Variants in BMP2K observed in about 807,000 individuals in gnomAD.
BMP2K encodes BMP2 inducible kinase.
BMP2K carries 74 observed loss-of-function variants against 116.0 expected under a neutral mutation model. The ratio of observed to expected loss-of-function variants is 0.64; its 90% CI spans 0.53 to 0.77. BMP2K has a LOEUF of 0.77. BMP2K is among the 30% of genes least tolerant of loss of function. The pLI is 0.00. For synonymous variants in BMP2K, 486 were observed against 502.5 expected (o/e 0.97, Z 0.44); for missense variants, 1,365 against 1,403.6 (o/e 0.97, Z 0.44).
rs1257190573 is a variant in BMP2K, at chr4:78,878,740, T to G, written c.1800T>G (p.Val600=). Residue 600 remains valine (V), a synonymous_variant, in exon 14 of 16, where the codon GTT becomes GTG. Coordinates refer to ENST00000502613, the MANE Select transcript of BMP2K (RefSeq NM_198892.2). ...TACTCAATTATTACTATAGGTCAGT[T>G]GCTGATAAAGAGGCCATTGCAAATT... ...MDSSYSANRS[V]ADKEAIANFT... 1 of 1,607,190 alleles carries G rather than the reference T, an allele frequency of 6.2e-7. No homozygotes were observed. Among genetic ancestry groups the G allele is most frequent in the African/African-American group, 1.3e-5 (1 of 74,576 alleles).
At chr4:78,886,960 C>T (rs974022621) in intron 14 of BMP2K, among the ~76,000 whole-genome samples, 8 of 152,072 alleles carry the variant, frequency 5.3e-5, no homozygotes, top group Admixed American at 1.3e-4. Context: ...AAACCTATCA[C>T]GGATTATATT....
chr4:78,909,228 G>A (rs1362884418), intron 15 of BMP2K, among the ~76,000 whole-genome samples: 2 of 151,776 alleles, frequency 1.3e-5, no homozygotes, highest in East Asian at 3.9e-4. Flanking sequence ...AGTAGAGATG[G>A]GGTTTCACCA....
chr4:78,888,596 A>G (rs1281388014), intron 15 of BMP2K, among the ~76,000 whole-genome samples: 2 of 152,318 alleles, frequency 1.3e-5, no homozygotes, highest in South Asian at 2.1e-4. Flanking sequence ...GGGGAAATGA[A>G]TAGTAGAGTT....
At chr4:78,798,265 T>G (rs1255554903) in intron 1 of BMP2K, among the ~76,000 whole-genome samples, 1 of 152,120 alleles carries the variant, frequency 6.6e-6, no homozygotes, top group Non-Finnish European at 1.5e-5. Context: ...CATACTCAAG[T>G]CATAAAGGTG....
At position 78,787,013 on chromosome 4, in the gene BMP2K, C is replaced by G. The variant is rs554618642; in HGVS notation, c.178+10292C>G. The stretch of plus-strand genomic sequence containing the variant: ...AAGTGGTCCTCCTGCTTTGGCCTCC[C>G]AAAGTGCTGGGATTACAGGTGTGAG... On this transcript the variant is annotated intron_variant, in intron 1 of 15. Coordinates refer to ENST00000502613, the MANE Select transcript of BMP2K (RefSeq NM_198892.2). 1.5e-4 allele frequency among the ~76,000 whole-genome samples: 23 copies of G among 152,250 alleles called. No homozygotes were observed. In the South Asian group the frequency reaches 4.4e-3, roughly 29 times the overall value.
intron 1 of BMP2K, among the ~76,000 whole-genome samples, chr4:78,815,907 A>T (rs774645955): frequency 3.9e-5 from 6 of 152,156 alleles, no homozygotes; most frequent in Admixed American, 3.9e-4. Flanking sequence ...AAAAATATTG[A>T]TGAGTAAAGT....
intron 1 of BMP2K, among the ~76,000 whole-genome samples, chr4:78,802,146 C>T (rs921484549): frequency 3.3e-5 from 5 of 152,206 alleles, no homozygotes; most frequent in African/African-American, 1.2e-4. Flanking sequence ...TGTCATTTCA[C>T]TGCCTTCTTC....
At chr4:78,846,041 T>A (rs928758057) in intron 5 of BMP2K, among the ~76,000 whole-genome samples, 15 of 151,706 alleles carry the variant, frequency 9.9e-5, no homozygotes, top group South Asian at 2.1e-4. Context: ...TATATAATTT[T>A]AAAAATTTAT....
intron 2 of BMP2K, among the ~76,000 whole-genome samples, chr4:78,829,720 A>G (rs1730059781): frequency 6.6e-6 from 1 of 152,050 alleles, no homozygotes; most frequent in South Asian, 2.1e-4. Flanking sequence ...CATGGGCTGA[A>G]GAATGGATGT....
chr4:78,890,455 T>G (rs962259744), intron 15 of BMP2K, among the ~76,000 whole-genome samples: 2 of 152,126 alleles, frequency 1.3e-5, no homozygotes, highest in Non-Finnish European at 2.9e-5. Flanking sequence ...CCAGCATGTT[T>G]TTGACACAGT....
In BMP2K at chr4:78,810,882, T is replaced by C. The variant is rs1042399131; in HGVS notation, c.179-15155T>C. Reference sequence around the variant, plus strand: ...GTTGTGAAAAAGTTGATTTTGACAATTTTTGCCAGTATCCTCATTGCTTTT... The same window carrying C: ...GTTGTGAAAAAGTTGATTTTGACAACTTTTGCCAGTATCCTCATTGCTTTT... On this transcript the variant is annotated intron_variant, in intron 1 of 15. Coordinates refer to ENST00000502613, the MANE Select transcript of BMP2K (RefSeq NM_198892.2). Among the ~76,000 whole-genome samples the C allele has an allele frequency of 4.6e-4, 70 of 152,202 alleles. 1 individual carries two copies. Among genetic ancestry groups the C allele is most frequent in the African/African-American group, 1.2e-4 (5 of 41,446 alleles).
At chr4:78,909,177 G>C (rs908226721) in intron 15 of BMP2K, among the ~76,000 whole-genome samples, 1 of 149,132 alleles carries the variant, frequency 6.7e-6, no homozygotes, top group African/African-American at 2.5e-5. Context: ...TCCTGGCTCA[G>C]CTGGCACCTG....
At chr4:78,870,532 G>A (rs1732276917) in intron 10 of BMP2K, among the ~76,000 whole-genome samples, 1 of 152,206 alleles carries the variant, frequency 6.6e-6, no homozygotes, top group Non-Finnish European at 1.5e-5. Context: ...TGTTCATGGA[G>A]AGCCGAAGTA....
At chr4:78,791,291 C>G (rs77701808) in intron 1 of BMP2K, among the ~76,000 whole-genome samples, 2,951 of 152,192 alleles carry the variant, frequency 0.019, 98 homozygotes, top group African/African-American at 0.067. Flanking sequence ...GGGGGTCTAT[C>G]AGGTAAAAAA....
At chr4:78,829,803 T>TTC (rs1730109113) in intron 2 of BMP2K, among the ~76,000 whole-genome samples, 1 of 127,406 alleles carries the variant, frequency 7.8e-6, no homozygotes, top group African/African-American at 3.6e-5. Flanking sequence ...TTCTCTTCTC[T>TTC]TCTCTTCTCT....
At chr4:78,797,227 A>G (rs1728340281) in intron 1 of BMP2K, among the ~76,000 whole-genome samples, 1 of 152,186 alleles carries the variant, frequency 6.6e-6, no homozygotes. Flanking sequence ...TTTCTGTGGT[A>G]TCTGCAAGCT....
intron 15 of BMP2K, among the ~76,000 whole-genome samples, chr4:78,888,894 T>C (rs1043382333): frequency 1.3e-5 from 2 of 152,204 alleles, no homozygotes; most frequent in African/African-American, 4.8e-5. Context: ...AAAATTCATA[T>C]TCCTTAGATT....
chr4:78,840,084 G>T (rs770838851), intron 3 of BMP2K, among the ~76,000 whole-genome samples: 128 of 150,684 alleles, frequency 8.5e-4, no homozygotes, highest in East Asian at 2.3e-3. Flanking sequence ...TGTATTTTTG[G>T]TTTTTTTTTA....
At chr4:78,827,447 C>A (rs1266501362) in intron 2 of BMP2K, among the ~76,000 whole-genome samples, 1 of 152,168 alleles carries the variant, frequency 6.6e-6, no homozygotes, top group African/African-American at 2.4e-5. Flanking sequence ...GTCTTGCTGA[C>A]ACTTAGAACA....
Sources: gnomAD v4.1 joint callset for allele counts (sites outside exome capture counted in the v4.1 genomes callset) on GRCh38, gnomAD v4.1.1 for gene constraint, MANE v1.5 for transcripts, NCBI Gene and HGNC (gene_info 2026-07-23, HGNC 2026-07-21) for gene names.